SLC16A10: variants seen among roughly 807,000 people sequenced by gnomAD.
SLC16A10 encodes the protein monocarboxylate transporter 10.
SLC16A10 carries 27 observed loss-of-function variants against 40.0 expected under a neutral mutation model. That is an observed-to-expected ratio of 0.67 (90% confidence interval 0.50 to 0.93). SLC16A10 has a LOEUF of 0.93. Among genes scored for constraint, SLC16A10 ranks in the 40% least tolerant of loss-of-function variants. The probability of loss-of-function intolerance (pLI) is 0.00; values close to 1 mark genes in which losing one functional copy is unlikely to be tolerated. For synonymous variants in SLC16A10, 213 were observed against 249.8 expected, an observed-to-expected ratio of 0.85 and a Z score of 1.39; for missense variants, 529 against 658.2, an observed-to-expected ratio of 0.80 and a Z score of 2.15.
At chr6:111,105,972 T>C (rs1046546301) in intron 1 of SLC16A10, among the ~76,000 whole-genome samples, 2 of 152,242 alleles carry the variant, frequency 1.3e-5, no homozygotes, top group Admixed American at 1.3e-4. Flanking sequence ...TTGTTTCATC[T>C]TTTAATATCA....
intron 1 of SLC16A10, among the ~76,000 whole-genome samples, chr6:111,130,087 G>A (rs2114487420): frequency 6.6e-6 from 1 of 152,272 alleles, no homozygotes; most frequent in Non-Finnish European, 1.5e-5. Flanking sequence ...TTGGTTATGA[G>A]ACACAGTCAT....
At chr6:111,139,523 A>G (rs1231605413) in intron 1 of SLC16A10, among the ~76,000 whole-genome samples, 1 of 152,160 alleles carries the variant, frequency 6.6e-6, no homozygotes, top group African/African-American at 2.4e-5. Context: ...GATGGTCTCA[A>G]TCTCTTGACC....
At chr6:111,201,432 G>C (rs1025913381) in intron 3 of SLC16A10, among the ~76,000 whole-genome samples, 5 of 152,124 alleles carry the variant, frequency 3.3e-5, no homozygotes, top group African/African-American at 1.2e-4. Flanking sequence ...GCCTTTGTTA[G>C]CACTTTGTAG....
intron 1 of SLC16A10, among the ~76,000 whole-genome samples, chr6:111,160,096 T>C (rs1246345736): frequency 6.6e-6 from 1 of 152,208 alleles, no homozygotes; most frequent in East Asian, 1.9e-4. Context: ...CTTAGCAGTG[T>C]CTTTCAAAGA....
chr6:111,158,137 T>G (rs1413436673), intron 1 of SLC16A10, among the ~76,000 whole-genome samples: 1 of 152,154 alleles, frequency 6.6e-6, no homozygotes, highest in Non-Finnish European at 1.5e-5. Context: ...ATGGGATGTT[T>G]GGTTTTAAGA....
chr6:111,230,906 A>G lies in SLC16A10; in HGVS notation c.*8671A>G, dbSNP rs1029202545. 2.6e-5 allele frequency: 4 copies of G among 152,084 alleles called. No homozygotes were observed. The highest frequency in any genetic ancestry group is 4.8e-5 in the African/African-American group (2 of 41,412). The allele number at this position is 152,084 out of a possible 1,614,324, so 9.4% of individuals were successfully genotyped here. ...GCAGTGCAGCTCTGCTTCTCTCCCA[A>G]CCTACCCTGGGGCCATTTTTGGCAC... On this transcript the variant is annotated 3_prime_UTR_variant, in exon 6 of 6. Transcript: ENST00000368851.
intron 3 of SLC16A10, chr6:111,178,488 G>T (rs1179807827): frequency 3.0e-5 from 16 of 524,740 alleles, no homozygotes; most frequent in Admixed American, 1.8e-4. Flanking sequence ...CCACCACTTT[G>T]GGGGGCTGAT....
chr6:111,115,971 GA>G (rs1242039760), intron 1 of SLC16A10, among the ~76,000 whole-genome samples: 2 of 151,836 alleles, frequency 1.3e-5, no homozygotes, highest in Non-Finnish European at 2.9e-5. Context: ...CTATACCCAT[GA>G]AAAAGGAATA....
At chr6:111,184,104 G>A (rs1002049994) in intron 3 of SLC16A10, among the ~76,000 whole-genome samples, 5 of 152,158 alleles carry the variant, frequency 3.3e-5, no homozygotes, top group South Asian at 4.1e-4. Flanking sequence ...TGAAGCTGAT[G>A]ATGTAGTTTC....
chr6:111,190,717 T>G (rs1471548455), intron 3 of SLC16A10, among the ~76,000 whole-genome samples: 1 of 152,250 alleles, frequency 6.6e-6, no homozygotes, highest in Non-Finnish European at 1.5e-5. Flanking sequence ...GAGCTGTACC[T>G]TAGCCCCTTT....
At position 111,089,421 on chromosome 6, in the gene SLC16A10, C is replaced by T. The variant is rs76156659; in HGVS notation, c.343+1326C>T. ...ATATTATACTCTATGCATTCTCCCTCTGATGGGCATTTAGATTGCTTCCAA... is the reference window on the plus strand; with the variant it reads ...ATATTATACTCTATGCATTCTCCCTTTGATGGGCATTTAGATTGCTTCCAA... On this transcript the variant is annotated intron_variant, in intron 1 of 5. Coordinates refer to ENST00000368851, the MANE Select transcript of SLC16A10 (RefSeq NM_018593.5). Among the ~76,000 whole-genome samples the T allele has an allele frequency of 6.6e-3, 998 of 152,274 alleles. 8 individuals are homozygous for T. The highest frequency in any genetic ancestry group is 0.032 in the South Asian group (153 of 4,822).
chr6:111,129,648 G>T (rs1771746162), intron 1 of SLC16A10, among the ~76,000 whole-genome samples: 1 of 152,138 alleles, frequency 6.6e-6, no homozygotes, highest in South Asian at 2.1e-4. Flanking sequence ...GCATTCAAAG[G>T]CCTCCAAGAT....
At chr6:111,111,115 C>T (rs946986500) in intron 1 of SLC16A10, among the ~76,000 whole-genome samples, 1 of 151,896 alleles carries the variant, frequency 6.6e-6, no homozygotes, top group African/African-American at 2.4e-5. Flanking sequence ...GGCAAAATTG[C>T]AAATAAAAAC....
At chr6:111,092,315 G>GTTTTTTTTTTTTTTTTTTT (rs1173275647) in intron 1 of SLC16A10, among the ~76,000 whole-genome samples, 1 of 98,592 alleles carries the variant, frequency 1.0e-5, no homozygotes, top group Non-Finnish European at 1.9e-5. Flanking sequence ...TTTTTTTGTT[G>GTTTTTTTTTTTTTTTTTTT]TTTTTTTTTT....
chr6:111,165,514 A>G (rs1026565338), intron 1 of SLC16A10, among the ~76,000 whole-genome samples: 1 of 152,220 alleles, frequency 6.6e-6, no homozygotes, highest in East Asian at 1.9e-4. Flanking sequence ...ACTTTTTACC[A>G]TAGTGCTCTT....
In SLC16A10 at chr6:111,087,663, C is replaced by A; in HGVS notation, c.-90C>A. The A allele has an allele frequency of 1.3e-6, 1 of 778,218 alleles. No individual in the cohort carries two copies. Among genetic ancestry groups the A allele is most frequent in the Non-Finnish European group, 1.7e-6 (1 of 587,558 alleles). 48.2% of individuals were successfully genotyped at this position (778,218 alleles called of 1,614,324 possible). A position where few individuals can be genotyped will look rare whatever the true frequency, so the allele number is the denominator to read the frequency against. ...GCCGCCCTCGCCTCGGCCTCGTTAG[C>A]CCGCCAGGAGCCCCGCAGCTCCTCC... is the stretch of plus-strand genomic sequence containing the variant. On this transcript the variant is annotated 5_prime_UTR_variant, in exon 1 of 6. Transcript: ENST00000368851.
intron 1 of SLC16A10, among the ~76,000 whole-genome samples, chr6:111,114,224 T>C (rs976845582): frequency 1.3e-5 from 2 of 152,256 alleles, no homozygotes; most frequent in African/African-American, 4.8e-5. Context: ...AATGCTGTGA[T>C]GTGTCACAGT....
rs1479780629 is a variant in SLC16A10 at position 111,230,210 on chromosome 6, G to A, written c.*7975G>A. On this transcript the variant is annotated 3_prime_UTR_variant, in exon 6 of 6. Coordinates refer to ENST00000368851, the MANE Select transcript of SLC16A10 (RefSeq NM_018593.5). Reference sequence around the variant, plus strand: ...ACCATGTTGGCCAGACTGGCCTTAAGTGATCCACCTGCCTCAGCCTCCCCA... The same window carrying A: ...ACCATGTTGGCCAGACTGGCCTTAAATGATCCACCTGCCTCAGCCTCCCCA... 6.6e-6 allele frequency: 1 copy of A among 151,800 alleles called. No homozygotes were observed. Among genetic ancestry groups the A allele is most frequent in the Non-Finnish European group, 1.5e-5 (1 of 67,948 alleles). The allele number at this position is 151,800 out of a possible 1,614,324, so 9.4% of individuals were successfully genotyped here.
intron 1 of SLC16A10, among the ~76,000 whole-genome samples, chr6:111,129,383 A>G (rs751458034): frequency 2.6e-5 from 4 of 152,246 alleles, no homozygotes; most frequent in Admixed American, 1.3e-4. Flanking sequence ...TCTACCTGAT[A>G]TGGTACTTTA....
Sources: allele counts gnomAD v4.1 joint callset (sites outside exome capture counted in the v4.1 genomes callset), GRCh38; gene constraint gnomAD v4.1.1; transcripts MANE v1.5; gene names NCBI Gene and HGNC (gene_info 2026-07-23, HGNC 2026-07-21).